RFWD3: variants seen among roughly 807,000 people sequenced by gnomAD.
RFWD3 encodes ring finger and WD repeat domain 3, also known as E3 ubiquitin-protein ligase RFWD3.
A neutral mutation model predicts 87.7 loss-of-function variants in RFWD3; 65 were observed. That is an observed-to-expected ratio of 0.74 (90% CI 0.61 to 0.91). The LOEUF is 0.91. RFWD3 is among the 40% of genes least tolerant of loss of function. The probability of loss-of-function intolerance (pLI) is 0.00; values close to 1 mark genes in which losing one functional copy is unlikely to be tolerated. For synonymous variants in RFWD3, 433 were observed against 352.8 expected (o/e 1.23, Z -2.55); for missense variants, 1,078 against 938.5 (o/e 1.15, Z -1.94).
At position 74,660,921 on chromosome 16, in the gene RFWD3, T is replaced by C; in HGVS notation, c.518+11A>G. On this transcript the variant is annotated intron_variant, in intron 2 of 12. Coordinates refer to ENST00000361070, the MANE Select transcript of RFWD3 (RefSeq NM_018124.4). The stretch of plus-strand genomic sequence containing the variant: ...AGCAATGATCACAGACTTATCCATA[T>C]ATTTATTTACCTGGCACTGTCTGTC... 3 of 1,604,944 alleles carry C rather than the reference T, an allele frequency of 1.9e-6. No homozygotes were observed. The highest frequency in any genetic ancestry group is 2.6e-6 in the Non-Finnish European group (3 of 1,173,998).
intron 4 of RFWD3, among the ~76,000 whole-genome samples, chr16:74,647,109 T>A (rs1960212849): frequency 1.3e-5 from 2 of 152,052 alleles, no homozygotes; most frequent in Non-Finnish European, 2.9e-5. Flanking sequence ...GATTCAATTT[T>A]ATGTACTGAT....
rs199648515 is a variant in RFWD3 at position 74,621,685 on chromosome 16, GTTTT to G, written c.*2239_*2242del. On this transcript the variant is annotated 3_prime_UTR_variant, in exon 13 of 13. Coordinates refer to ENST00000361070, the MANE Select transcript of RFWD3 (RefSeq NM_018124.4). ...AACGGGGACTGGGAATGGCATCAGG[GTTTT>G]TTTTTGTTTGTTTGTTTTTTTTGAG... The G allele has an allele frequency of 1.3e-5, 1 of 75,098 alleles. No individual in the cohort carries two copies. Among genetic ancestry groups the G allele is most frequent in the Non-Finnish European group, 2.4e-5 (1 of 40,848 alleles). 4.7% of individuals were successfully genotyped at this position (75,098 alleles called of 1,614,324 possible).
At chr16:74,664,567 C>G (rs1167069264) in intron 1 of RFWD3, 1 of 152,006 alleles carries the variant, frequency 6.6e-6, no homozygotes, top group Non-Finnish European at 1.5e-5. Flanking sequence ...GGCAACACGG[C>G]AAAACCCCGT....
intron 9 of RFWD3, 89 bp from the exon 10 acceptor site, chr16:74,631,046 A>T: frequency 5.0e-6 from 6 of 1,208,650 alleles, no homozygotes; most frequent in Non-Finnish European, 6.9e-6. Flanking sequence ...ATGATCATTA[A>T]TCCTTACTGA....
chr16:74,633,372 C>T (rs963306776), intron 8 of RFWD3, among the ~76,000 whole-genome samples: 2 of 151,206 alleles, frequency 1.3e-5, no homozygotes, highest in African/African-American at 2.4e-5. Flanking sequence ...AAAGTATAAC[C>T]TACTCCAAAC....
At chr16:74,652,209 A>C (rs986817164) in intron 2 of RFWD3, 87 bp from the exon 3 acceptor site, 6 of 1,213,336 alleles carry the variant, frequency 4.9e-6, no homozygotes, top group Non-Finnish European at 7.0e-6. Flanking sequence ...AAATCCTATC[A>C]CTTCAACCCA....
At chr16:74,660,686 C>G (rs6564155) in intron 2 of RFWD3, 293,306 of 416,234 alleles carry the variant, frequency 0.7, 104,871 homozygotes, top group African/African-American at 0.85. Context: ...ACAATCTGAA[C>G]AACAGCCAAT....
At chr16:74,635,491 G>A (rs1413665204) in intron 8 of RFWD3, among the ~76,000 whole-genome samples, 1 of 151,290 alleles carries the variant, frequency 6.6e-6, no homozygotes, top group African/African-American at 2.4e-5. Context: ...AAATCAACAA[G>A]GTAACAGAAA....
intron 6 of RFWD3, among the ~76,000 whole-genome samples, chr16:74,641,303 C>T (rs1486977485): frequency 3.3e-5 from 5 of 152,054 alleles, no homozygotes; most frequent in Admixed American, 3.3e-4. Flanking sequence ...GCTGGGACTA[C>T]AGGTGCGTGC....
intron 8 of RFWD3, among the ~76,000 whole-genome samples, chr16:74,635,797 T>C (rs1213621960): frequency 6.6e-6 from 1 of 152,212 alleles, no homozygotes; most frequent in African/African-American, 2.4e-5. Flanking sequence ...GATTTAGAAA[T>C]GATTTAATTG....
intron 1 of RFWD3, 103 bp downstream of exon 1, chr16:74,666,683 C>T (rs1480793191): frequency 1.3e-5 from 2 of 152,376 alleles, no homozygotes; most frequent in Non-Finnish European, 2.9e-5. Flanking sequence ...TGCAGCCCAC[C>T]TCGTGGGGTG....
Position 74,630,912 on chromosome 16 carries a change from A to C in RFWD3, c.1623T>G (p.Pro541=). The change falls in exon 10 of 13, where the codon CCT becomes CCG. Residue 541 remains proline (P), a synonymous_variant. Coordinates refer to ENST00000361070, the MANE Select transcript of RFWD3 (RefSeq NM_018124.4). The stretch of plus-strand genomic sequence containing the variant: ...CAAGACACCAGCAACAGCTCCAGAC[A>C]GGACGTCCAGCATTATAAGTCTGGA... The part of the protein sequence containing the change: ...TVVQTYNAGR[P]VWSCCWCLDE... 1.2e-6 allele frequency: 2 copies of C among 1,613,742 alleles called. No individual in the cohort carries two copies. Among genetic ancestry groups the C allele is most frequent in the South Asian group, 1.1e-5 (1 of 91,032 alleles).
intron 2 of RFWD3, among the ~76,000 whole-genome samples, chr16:74,657,721 G>A (rs1046912526): frequency 6.6e-6 from 1 of 152,044 alleles, no homozygotes; most frequent in Non-Finnish European, 1.5e-5. Context: ...TGATTCGCCT[G>A]CCTCAGCCTC....
At chr16:74,626,706 A>G in intron 11 of RFWD3, 152 bp from the exon 12 acceptor site, 1 of 626,668 alleles carries the variant, frequency 1.6e-6, no homozygotes, top group Non-Finnish European at 2.8e-6. Context: ...ATGAAAGAAC[A>G]ATATCACAGC....
chr16:74,663,144 T>A (rs959835302), intron 1 of RFWD3, among the ~76,000 whole-genome samples: 5 of 152,196 alleles, frequency 3.3e-5, no homozygotes, highest in South Asian at 2.1e-4. Flanking sequence ...GACCTGGTGA[T>A]CTGCCAGCCT....
chr16:74,626,303 A>C, intron 12 of RFWD3, 40 bp downstream of exon 12: 1 of 1,580,838 alleles, frequency 6.3e-7, no homozygotes, highest in Non-Finnish European at 8.7e-7. Context: ...TTTTAAGCAA[A>C]ACTACTTTTT....
At position 74,632,526 on chromosome 16, in the gene RFWD3, G is replaced by A. The variant is rs1165879436; in HGVS notation, c.1574C>T (p.Thr525Ile). The change falls in exon 9 of 13, where the codon ACC becomes ATC. Residue 525 changes from threonine to isoleucine, a missense_variant. Physicochemically the swap from Thr to Ile is moderately conservative, Grantham distance 89. Coordinates refer to ENST00000361070, the MANE Select transcript of RFWD3 (RefSeq NM_018124.4). ...SASLDNTIKL[T>I]SLETNTVVQT... ...CCTACTTCCCCAAATCACTCACCTG[G>A]TCAGTTTAATAGTGTTGTCTAGGGA... 1 of 1,613,704 alleles carries A rather than the reference G, an allele frequency of 6.2e-7. No homozygotes were observed. The highest frequency in any genetic ancestry group is 2.2e-5 in the East Asian group (1 of 44,876).
chr16:74,645,020 TA>T, intron 4 of RFWD3, among the ~76,000 whole-genome samples: 2 of 152,282 alleles, frequency 1.3e-5, no homozygotes, highest in South Asian at 4.1e-4. Context: ...ATAGCAGCTA[TA>T]AAATATTTAA....
chr16:74,645,907 C>T (rs1052036423), intron 4 of RFWD3, among the ~76,000 whole-genome samples: 3 of 151,854 alleles, frequency 2.0e-5, no homozygotes, highest in African/African-American at 7.3e-5. Flanking sequence ...CGCCTGCCAC[C>T]AAGCCCGATT....
Sources: allele counts gnomAD v4.1 joint callset (sites outside exome capture counted in the v4.1 genomes callset), GRCh38; gene constraint gnomAD v4.1.1; transcripts MANE v1.5; gene names NCBI Gene and HGNC (gene_info 2026-07-23, HGNC 2026-07-21).